Variants in ERBB4 observed in about 807,000 individuals in gnomAD.
ERBB4 encodes erb-b2 receptor tyrosine kinase 4, also known as receptor tyrosine-protein kinase erbB-4.
A neutral mutation model predicts 158.0 loss-of-function variants in ERBB4; 42 were observed. The ratio of observed to expected loss-of-function variants is 0.27; its 90% CI spans 0.21 to 0.34. ERBB4 has a LOEUF of 0.34. Among genes scored for constraint, ERBB4 ranks in the 10% least tolerant of loss-of-function variants. The probability of loss-of-function intolerance (pLI) is 1.00; values close to 1 mark genes in which losing one functional copy is unlikely to be tolerated. For missense variants in ERBB4, 1,333 were observed against 1,624.1 expected, an observed-to-expected ratio of 0.82 and a Z score of 3.08; for synonymous variants, 583 against 558.7, an observed-to-expected ratio of 1.04 and a Z score of -0.61.
Position 211,655,757 on chromosome 2 carries a change from T to TA in ERBB4, c.1946+1996dup, listed in dbSNP as rs1328194388. ...AACCCTGGCTTATAAAACTATAGTT[T>TA]AGGCCTTCGGCACTCTCTCCCTCTC... On this transcript the variant is annotated intron_variant, in intron 16 of 27. Transcript: ENST00000342788. Among the ~76,000 whole-genome samples, 71 of 152,320 alleles carry TA rather than the reference T, an allele frequency of 4.7e-4. 1 individual carries two copies. Among genetic ancestry groups the TA allele is most frequent in the Admixed American group, 4.5e-3 (69 of 15,304 alleles).
At chr2:212,205,855 T>C (rs964183973) in intron 1 of ERBB4, among the ~76,000 whole-genome samples, 10 of 152,122 alleles carry the variant, frequency 6.6e-5, no homozygotes, top group East Asian at 1.9e-4. Context: ...GAAAACCGAG[T>C]TGATAAAGTA....
chr2:211,599,511 T>TGTGTGTGTGTG (rs2068734276), intron 19 of ERBB4, among the ~76,000 whole-genome samples: 4 of 20,748 alleles, frequency 1.9e-4, no homozygotes, highest in African/African-American at 2.5e-4. Flanking sequence ...AAATAATTTC[T>TGTGTGTGTGTG]TCTGTGTGTG....
intron 20 of ERBB4, among the ~76,000 whole-genome samples, chr2:211,541,661 A>C (rs1323446368): frequency 1.3e-5 from 2 of 152,038 alleles, no homozygotes; most frequent in Non-Finnish European, 2.9e-5. Context: ...TAAATGAGGA[A>C]GCTTATAGCT....
Position 211,811,397 on chromosome 2 carries a change from G to A in ERBB4, c.422-23238C>T, listed in dbSNP as rs112824862. Among the ~76,000 whole-genome samples the A allele has an allele frequency of 5.7e-3, 870 of 152,180 alleles. 10 individuals carry two copies. Among genetic ancestry groups the A allele is most frequent in the African/African-American group, 0.019 (801 of 41,492 alleles). On this transcript the variant is annotated intron_variant, in intron 3 of 27. Transcript: ENST00000342788. ...CCGAGAGATCCGCTGCTAGGCTGAT[G>A]GGCTTCCCTTTGTGGGTAACCTGAC...
chr2:212,139,260 T>C (rs886120467), intron 1 of ERBB4, among the ~76,000 whole-genome samples: 3 of 152,046 alleles, frequency 2.0e-5, no homozygotes, highest in Non-Finnish European at 4.4e-5. Context: ...CAGAAATGTC[T>C]TCTACATTTA....
intron 1 of ERBB4, among the ~76,000 whole-genome samples, chr2:212,457,173 A>C (rs1688334847): frequency 6.6e-6 from 1 of 152,038 alleles, no homozygotes; most frequent in African/African-American, 2.4e-5. Flanking sequence ...ACACCTATGA[A>C]CCATTTCAGG....
At chr2:211,558,539 AG>A (rs1559294275) in intron 20 of ERBB4, among the ~76,000 whole-genome samples, 1 of 152,306 alleles carries the variant, frequency 6.6e-6, no homozygotes, top group South Asian at 2.1e-4. Flanking sequence ...AGCATCTTTG[AG>A]GGTAAGATAT....
intron 3 of ERBB4, among the ~76,000 whole-genome samples, chr2:211,845,464 C>A (rs1449390893): frequency 6.6e-6 from 1 of 152,090 alleles, no homozygotes. Flanking sequence ...TTCTTCATTG[C>A]TGTTTTTGGT....
intron 2 of ERBB4, among the ~76,000 whole-genome samples, chr2:211,968,418 C>A (rs1430366663): frequency 2.6e-5 from 4 of 151,974 alleles, no homozygotes; most frequent in Non-Finnish European, 4.4e-5. Flanking sequence ...ATGCAGATTT[C>A]AGCTGTGACC....
At chr2:212,225,076 G>T in intron 1 of ERBB4, among the ~76,000 whole-genome samples, 1 of 151,136 alleles carries the variant, frequency 6.6e-6, no homozygotes, top group East Asian at 1.9e-4. Flanking sequence ...TTATATTTTG[G>T]GTTTCTTTTA....
chr2:211,679,642 G>A (rs1032836690), intron 12 of ERBB4, among the ~76,000 whole-genome samples: 3 of 151,024 alleles, frequency 2.0e-5, no homozygotes, highest in African/African-American at 7.3e-5. Flanking sequence ...AATTTATAGA[G>A]GGTAAGAAGG....
At chr2:211,818,495 G>A (rs962404216) in intron 3 of ERBB4, among the ~76,000 whole-genome samples, 4 of 151,932 alleles carry the variant, frequency 2.6e-5, no homozygotes, top group African/African-American at 9.7e-5. Context: ...TGGGGGTTGG[G>A]GCAGAAGGGT....
At chr2:211,705,190 G>A in intron 10 of ERBB4, 128 bp downstream of exon 10, 1 of 721,612 alleles carries the variant, frequency 1.4e-6, no homozygotes, top group Non-Finnish European at 2.5e-6. Flanking sequence ...CTGACCTCAT[G>A]ATCCACCCGC....
At chr2:211,637,461 C>T (rs946768620) in intron 16 of ERBB4, among the ~76,000 whole-genome samples, 1 of 151,826 alleles carries the variant, frequency 6.6e-6, no homozygotes, top group African/African-American at 2.4e-5. Flanking sequence ...TTTTATAGCA[C>T]ACAGGGTGTC....
intron 18 of ERBB4, among the ~76,000 whole-genome samples, chr2:211,620,693 C>A (rs2069568003): frequency 6.6e-6 from 1 of 152,132 alleles, no homozygotes; most frequent in African/African-American, 2.4e-5. Context: ...TCAAAGGCTT[C>A]ATTTTCTCAC....
chr2:211,772,922 C>CAT (rs2075747412), intron 4 of ERBB4, among the ~76,000 whole-genome samples: 1 of 40,094 alleles, frequency 2.5e-5, no homozygotes, highest in Non-Finnish European at 4.6e-5. Flanking sequence ...CACACACACA[C>CAT]ACATATATAT....
chr2:211,843,777 T>A (rs1164845432), intron 3 of ERBB4, among the ~76,000 whole-genome samples: 1 of 151,986 alleles, frequency 6.6e-6, no homozygotes, highest in Admixed American at 6.6e-5. Context: ...ATATCATAAA[T>A]GATCATGTCT....
intron 3 of ERBB4, among the ~76,000 whole-genome samples, chr2:211,926,566 C>G (rs1339432974): frequency 6.6e-6 from 1 of 152,106 alleles, no homozygotes; most frequent in Non-Finnish European, 1.5e-5. Context: ...CCCATAGAAA[C>G]TGCCTAAAGA....
chr2:211,871,820 A>C (rs1376733252), intron 3 of ERBB4, among the ~76,000 whole-genome samples: 1 of 152,172 alleles, frequency 6.6e-6, no homozygotes, highest in Non-Finnish European at 1.5e-5. Context: ...TTCACCTTGC[A>C]ATCAGCACTA....
Sources: allele counts gnomAD v4.1 joint callset (sites outside exome capture counted in the v4.1 genomes callset), GRCh38; gene constraint gnomAD v4.1.1; transcripts MANE v1.5; gene names NCBI Gene and HGNC (gene_info 2026-07-23, HGNC 2026-07-21).